Variants in ZSCAN21 observed in about 807,000 individuals in gnomAD.
The protein encoded by ZSCAN21 is zinc finger and SCAN domain-containing protein 21.
Under a neutral mutation model 35.6 loss-of-function variants are expected in ZSCAN21, and 26 were observed. The ratio of observed to expected loss-of-function variants is 0.73; its 90% CI spans 0.54 to 1.01. The LOEUF is 1.01. Ranked by LOEUF, ZSCAN21 falls within the 50% of genes least tolerant of loss-of-function variation. ZSCAN21 has a pLI of 0.00. For synonymous variants in ZSCAN21, 219 were observed against 219.3 expected, an observed-to-expected ratio of 1.00 and a Z score of 0.01; for missense variants, 593 against 587.1, an observed-to-expected ratio of 1.01 and a Z score of -0.10.
At chr7:100,059,075 C>T (rs1792183399) in intron 3 of ZSCAN21, among the ~76,000 whole-genome samples, 2 of 152,158 alleles carry the variant, frequency 1.3e-5, no homozygotes, top group African/African-American at 4.8e-5. Flanking sequence ...ACTTTGCTTA[C>T]GTGTTGGTGG....
chr7:100,063,692 C>A, intron 3 of ZSCAN21, 96 bp from the exon 4 acceptor site: 1 of 1,191,258 alleles, frequency 8.4e-7, no homozygotes, highest in Non-Finnish European at 1.2e-6. Context: ...CCTTCAGAAA[C>A]CATCAGTCTC....
chr7:100,061,199 A>G (rs1025468624), intron 3 of ZSCAN21, among the ~76,000 whole-genome samples: 1 of 152,134 alleles, frequency 6.6e-6, no homozygotes, highest in Non-Finnish European at 1.5e-5. Flanking sequence ...TTCTTTTTCA[A>G]TTTTTGCCTC....
In ZSCAN21 at chr7:100,063,985, G is replaced by C. The variant is rs1185895627; in HGVS notation, c.790G>C (p.Glu264Gln). The change falls in exon 4 of 4, where the codon GAA becomes CAA. Residue 264 changes from glutamate to glutamine, a missense_variant. By Grantham distance (29) the Glu-to-Gln change is conservative. Coordinates refer to ENST00000292450, the MANE Select transcript of ZSCAN21 (RefSeq NM_145914.3). ...AGAGGCAGGCTCCAAGAAAGGTAGA[G>C]AATCAGTTCCTACTAAACCTACCCC... The part of the protein sequence containing the change: ...LQEAGSKKGR[E>Q]SVPTKPTPGE... 2 of 1,614,172 alleles carry C rather than the reference G, an allele frequency of 1.2e-6. No homozygotes were observed. The highest frequency in any genetic ancestry group is 1.7e-6 in the Non-Finnish European group (2 of 1,180,022).
intron 1 of ZSCAN21, among the ~76,000 whole-genome samples, chr7:100,052,172 G>A (rs1033470559): frequency 6.6e-6 from 1 of 151,938 alleles, no homozygotes; most frequent in Non-Finnish European, 1.5e-5. Flanking sequence ...TGAGAGGATC[G>A]CTTGAGGCCA....
chr7:100,055,192 G>T (rs1368426664), intron 1 of ZSCAN21, among the ~76,000 whole-genome samples: 1 of 150,320 alleles, frequency 6.7e-6, no homozygotes, highest in Non-Finnish European at 1.5e-5. Flanking sequence ...CTGACCTCAA[G>T]TGATCCGCCC....
chr7:100,064,972 T>G lies in ZSCAN21; in HGVS notation c.*355T>G. The G allele has an allele frequency of 6.3e-7, 1 of 1,597,878 alleles. No individual in the cohort carries two copies. The highest frequency in any genetic ancestry group is 2.3e-5 in the East Asian group (1 of 44,434). On this transcript the variant is annotated 3_prime_UTR_variant, in exon 4 of 4. Coordinates refer to ENST00000292450, the MANE Select transcript of ZSCAN21 (RefSeq NM_145914.3). The stretch of plus-strand genomic sequence containing the variant: ...TTTAACATATATTCAAGAATTTTAA[T>G]TTGTAAAGAATTGAGCCACATTGAA...
In ZSCAN21 at chr7:100,057,146, G is replaced by A. The variant is rs201880150; in HGVS notation, c.140G>A (p.Arg47His). 11 of 1,614,090 alleles carry A rather than the reference G, an allele frequency of 6.8e-6. No homozygotes were observed. The highest frequency in any genetic ancestry group is 1.7e-5 in the Admixed American group (1 of 60,018). The change falls in exon 2 of 4, where the codon CGC becomes CAC. Residue 47 changes from arginine (R) to histidine (H), a missense_variant. Arg to His is a conservative substitution (Grantham distance 29, BLOSUM62 0). Coordinates refer to ENST00000292450, the MANE Select transcript of ZSCAN21 (RefSeq NM_145914.3). Reference sequence around the variant, plus strand: ...CCTAGCCTGGAGATGTTCCGCCAGCGCTTCAGGCAGTTTGGGTACCATGAT... The same window carrying A: ...CCTAGCCTGGAGATGTTCCGCCAGCACTTCAGGCAGTTTGGGTACCATGAT... ...YLPSLEMFRQ[R>H]FRQFGYHDTP...
In ZSCAN21 at chr7:100,057,362, TC is replaced by T; in HGVS notation, c.358del (p.Leu120SerfsTer82). 6.3e-7 allele frequency: 1 copy of T among 1,577,790 alleles called. No homozygotes were observed. ...CPESAEEAVT[L>X]LEDLERELDE... ...GAGAGCGCTGAAGAGGCTGTCACTC[TC>T]CTCGAAGATCTGGAGCGGGAACTGG... is the stretch of plus-strand genomic sequence containing the variant. On this transcript the variant is annotated frameshift_variant, in exon 2 of 4. Coordinates refer to ENST00000292450, the MANE Select transcript of ZSCAN21 (RefSeq NM_145914.3). LOFTEE classifies it high-confidence loss of function.
Position 100,064,317 on chromosome 7 carries a change from C to T in ZSCAN21, c.1122C>T (p.Ser374=). Residue 374 remains serine (S), a synonymous_variant, in exon 4 of 4, where the codon AGC becomes AGT. Coordinates refer to ENST00000292450, the MANE Select transcript of ZSCAN21 (RefSeq NM_145914.3). ...DCGKAFSGKG[S]LIRHYRIHTG... ...GCAAGGCTTTCAGCGGGAAAGGCAGCCTCATTCGTCACTATCGGATCCACA... is the reference window on the plus strand; with the variant it reads ...GCAAGGCTTTCAGCGGGAAAGGCAGTCTCATTCGTCACTATCGGATCCACA... 1 of 1,612,682 alleles carries T rather than the reference C, an allele frequency of 6.2e-7. No homozygotes were observed. The highest frequency in any genetic ancestry group is 1.3e-5 in the African/African-American group (1 of 74,470).
At position 100,064,212 on chromosome 7, in the gene ZSCAN21, A is replaced by G; in HGVS notation, c.1017A>G (p.Lys339=). The G allele has an allele frequency of 6.2e-7, 1 of 1,614,138 alleles. No individual in the cohort carries two copies. Residue 339 remains lysine, a synonymous_variant, in exon 4 of 4, where the codon AAA becomes AAG. Transcript: ENST00000292450. ...GGCCCTATGACTGTAAGTGTGGAAA[A>G]GCTTTTGGGCAGAGCTCAGACCTTC... is the stretch of plus-strand genomic sequence containing the variant. ...VDRPYDCKCG[K]AFGQSSDLLK...
intron 3 of ZSCAN21, among the ~76,000 whole-genome samples, chr7:100,060,516 C>T (rs1584378451): frequency 6.6e-6 from 1 of 151,840 alleles, no homozygotes. Flanking sequence ...GAGCCAAGAT[C>T]GCGCCATTGC....
chr7:100,054,406 C>A (rs1033077398), intron 1 of ZSCAN21, among the ~76,000 whole-genome samples: 2 of 151,724 alleles, frequency 1.3e-5, no homozygotes, highest in South Asian at 4.2e-4. Flanking sequence ...CCTGTCACCA[C>A]GCCCGGCTAA....
intron 1 of ZSCAN21, among the ~76,000 whole-genome samples, chr7:100,053,061 G>A (rs1409432806): frequency 6.6e-6 from 1 of 151,572 alleles, no homozygotes; most frequent in African/African-American, 2.4e-5. Flanking sequence ...GGGAGGCGAA[G>A]GTTGCAGTGA....
rs1792506473 is a variant in ZSCAN21, at chr7:100,064,179, G to C, written c.984G>C (p.Leu328Phe). 1 of 1,613,908 alleles carries C rather than the reference G, an allele frequency of 6.2e-7. No homozygotes were observed. Among genetic ancestry groups the C allele is most frequent in the South Asian group, 1.1e-5 (1 of 91,074 alleles). The change falls in exon 4 of 4, where the codon TTG (leucine) becomes TTC (phenylalanine). Residue 328 changes from leucine (L) to phenylalanine (F), a missense_variant. Physicochemically the swap from Leu to Phe is conservative, Grantham distance 22. Coordinates refer to ENST00000292450, the MANE Select transcript of ZSCAN21 (RefSeq NM_145914.3). ...TCACCCTCCACTACAGAACACACTT[G>C]GTGGACCGGCCCTATGACTGTAAGT... is the stretch of plus-strand genomic sequence containing the variant. ...SNLTLHYRTH[L>F]VDRPYDCKCG...
intron 3 of ZSCAN21, among the ~76,000 whole-genome samples, chr7:100,059,044 T>A (rs1450606007): frequency 2.0e-5 from 3 of 152,334 alleles, no homozygotes; most frequent in Middle Eastern, 3.4e-3. Context: ...TTATTCCAAA[T>A]CCTAATAGTT....
intron 1 of ZSCAN21, among the ~76,000 whole-genome samples, chr7:100,054,895 G>T (rs972481070): frequency 1.4e-5 from 2 of 147,056 alleles, no homozygotes; most frequent in Non-Finnish European, 3.0e-5. Context: ...ACTATGAACC[G>T]TGTTTACAGA....
At chr7:100,061,756 G>A (rs1029322655) in intron 3 of ZSCAN21, among the ~76,000 whole-genome samples, 4 of 152,214 alleles carry the variant, frequency 2.6e-5, no homozygotes, top group African/African-American at 4.8e-5. Flanking sequence ...CAGAGAGAGA[G>A]AAGCTGTCAG....
At position 100,050,803 on chromosome 7, in the gene ZSCAN21, T is replaced by C. The variant is rs1791830989; in HGVS notation, c.-97+962T>C. Among the ~76,000 whole-genome samples, 4 of 152,268 alleles carry C rather than the reference T, an allele frequency of 2.6e-5. No homozygotes were observed. The South Asian group carries it at 8.3e-4, about 32-fold the overall frequency. On this transcript the variant is annotated intron_variant, in intron 1 of 3. Coordinates refer to ENST00000292450, the MANE Select transcript of ZSCAN21 (RefSeq NM_145914.3). ...GAAAAGAATTAAGAGGCAAGATAAT[T>C]GTTTTCAAGTGTTGGAAGGCTGCTA...
chr7:100,050,550 T>C (rs1022447612), intron 1 of ZSCAN21, among the ~76,000 whole-genome samples: 11 of 151,664 alleles, frequency 7.3e-5, no homozygotes, highest in African/African-American at 2.4e-4. Context: ...ATACAAAAAT[T>C]AGCTGGGTGT....
Sources: gnomAD v4.1 joint callset for allele counts (sites outside exome capture counted in the v4.1 genomes callset) on GRCh38, gnomAD v4.1.1 for gene constraint, MANE v1.5 for transcripts, NCBI Gene and HGNC (gene_info 2026-07-23, HGNC 2026-07-21) for gene names.